FBXO25: variants seen among roughly 807,000 people sequenced by gnomAD.
FBXO25 encodes the protein F-box only protein 25.
FBXO25 carries 45 observed loss-of-function variants against 51.9 expected under a neutral mutation model. The ratio of observed to expected loss-of-function variants is 0.87; its 90% CI spans 0.68 to 1.11. FBXO25 has a LOEUF of 1.11. FBXO25 is among the 50% of genes most tolerant of loss of function. The pLI is 0.00. For synonymous variants in FBXO25, 199 were observed against 151.0 expected (o/e 1.32, Z -2.33); for missense variants, 507 against 428.5 (o/e 1.18, Z -1.62).
chr8:442,435 TAGAA>T (rs1487660910), intron 5 of FBXO25, among the ~76,000 whole-genome samples: 8 of 152,134 alleles, frequency 5.3e-5, no homozygotes, highest in East Asian at 1.9e-4. Context: ...ACTGCATAGT[TAGAA>T]AGAAGCAGAG....
At chr8:444,154 C>G (rs114532009) in intron 5 of FBXO25, among the ~76,000 whole-genome samples, 8,543 of 152,278 alleles carry the variant, frequency 0.056, 264 homozygotes, top group Middle Eastern at 0.082. Flanking sequence ...TCAGTAAATG[C>G]TTACAGTTCA....
Position 472,194 on chromosome 8 carries a change from C to G in FBXO25, c.*3390C>G, listed in dbSNP as rs886382199. On this transcript the variant is annotated 3_prime_UTR_variant, in exon 10 of 10. Transcript: ENST00000350302. ...CTCACCATTAACTATGATGTTAACC[C>G]TGGGTTTTCCATACATACCCTCTAT... 1.3e-5 allele frequency: 2 copies of G among 152,208 alleles called. No individual in the cohort carries two copies. The highest frequency in any genetic ancestry group is 4.8e-5 in the African/African-American group (2 of 41,444). The allele number at this position is 152,208 out of a possible 1,614,324, so 9.4% of individuals were successfully genotyped here. A position where few individuals can be genotyped will look rare whatever the true frequency, so the allele number is the denominator to read the frequency against.
chr8:468,325 C>T (rs991685590), intron 9 of FBXO25: 17 of 987,928 alleles, frequency 1.7e-5, no homozygotes, highest in Non-Finnish European at 2.1e-5. Flanking sequence ...ACAAAGTGAG[C>T]CAGGAACAGG....
chr8:435,531 T>C, intron 4 of FBXO25, 84 bp from the exon 5 acceptor site: 1 of 1,405,308 alleles, frequency 7.1e-7, no homozygotes, highest in Non-Finnish European at 9.6e-7. Flanking sequence ...GCCAAAAATT[T>C]TTTTAATCGC....
chr8:417,129 C>T (rs1273356259), intron 2 of FBXO25, among the ~76,000 whole-genome samples: 1 of 152,156 alleles, frequency 6.6e-6, no homozygotes, highest in Non-Finnish European at 1.5e-5. Context: ...TAAGGGGAGC[C>T]CGGAAGCGGG....
intron 7 of FBXO25, among the ~76,000 whole-genome samples, chr8:458,026 C>G (rs1799566910): frequency 6.6e-6 from 1 of 152,174 alleles, no homozygotes; most frequent in South Asian, 2.1e-4. Context: ...GCAGCAGCGC[C>G]ACATCCACAG....
rs369693664 is a variant in FBXO25 at position 434,033 on chromosome 8, A to T, written c.288+1098A>T. On this transcript the variant is annotated intron_variant, in intron 4 of 9. Transcript: ENST00000350302. ...GATTACAGAACAGAGGATCCCATCCAAGCTAGCATATGCAGGAAAGGAGGA... is the reference window on the plus strand; with the variant it reads ...GATTACAGAACAGAGGATCCCATCCTAGCTAGCATATGCAGGAAAGGAGGA... Among the ~76,000 whole-genome samples, 15 of 152,346 alleles carry T rather than the reference A, an allele frequency of 9.8e-5. No individual in the cohort carries two copies. In the South Asian group the frequency reaches 2.7e-3, roughly 27 times the overall value.
intron 2 of FBXO25, among the ~76,000 whole-genome samples, chr8:430,502 C>T (rs1172660002): frequency 6.6e-6 from 1 of 151,828 alleles, no homozygotes; most frequent in Non-Finnish European, 1.5e-5. Flanking sequence ...GTACAATTTT[C>T]TTGTCAAAGA....
chr8:429,577 A>G (rs538154090), intron 2 of FBXO25, among the ~76,000 whole-genome samples: 1 of 152,240 alleles, frequency 6.6e-6, no homozygotes, highest in Non-Finnish European at 1.5e-5. Flanking sequence ...AATGTGTCGA[A>G]TTTAAATTTC....
At chr8:426,314 A>C (rs1263820657) in intron 2 of FBXO25, among the ~76,000 whole-genome samples, 1 of 152,106 alleles carries the variant, frequency 6.6e-6, no homozygotes, top group East Asian at 1.9e-4. Flanking sequence ...TTAGATGTTA[A>C]ATCTGTGGCT....
chr8:455,656 G>A (rs1362145720), intron 7 of FBXO25, among the ~76,000 whole-genome samples: 1 of 152,202 alleles, frequency 6.6e-6, no homozygotes, highest in Non-Finnish European at 1.5e-5. Context: ...AGAGAAGTGG[G>A]AATCATTGAC....
intron 2 of FBXO25, among the ~76,000 whole-genome samples, chr8:419,364 C>G (rs777349614): frequency 2.0e-5 from 3 of 152,000 alleles, no homozygotes; most frequent in Non-Finnish European, 4.4e-5. Flanking sequence ...AGCAAAACTC[C>G]ATCTCAAAAA....
chr8:472,232 G>A lies in FBXO25; in HGVS notation c.*3428G>A, dbSNP rs1346228626. 1 of 152,212 alleles carries A rather than the reference G, an allele frequency of 6.6e-6. No homozygotes were observed. Among genetic ancestry groups the A allele is most frequent in the Non-Finnish European group, 1.5e-5 (1 of 68,032 alleles). The allele number at this position is 152,212 out of a possible 1,614,324, so 9.4% of individuals were successfully genotyped here. On this transcript the variant is annotated 3_prime_UTR_variant, in exon 10 of 10. Coordinates refer to ENST00000350302, the MANE Select transcript of FBXO25 (RefSeq NM_183420.2). ...ACATACCCTCTATTAGGTTGGGGAG[G>A]TTCCCTTCTATTCCTAGTTTGTTTT...
rs1050569694 is a variant in FBXO25 at position 474,175 on chromosome 8, G to T, written c.*5371G>T. 1.3e-5 allele frequency: 2 copies of T among 158,688 alleles called. No individual in the cohort carries two copies. The highest frequency in any genetic ancestry group is 2.7e-5 in the Non-Finnish European group (2 of 73,262). The allele number at this position is 158,688 out of a possible 1,614,324, so 9.8% of individuals were successfully genotyped here. The stretch of plus-strand genomic sequence containing the variant: ...CTTTGTCTCTTTTAATTTGACTTCT[G>T]TAGGGACCTCGTATGAGTGGAACCA... On this transcript the variant is annotated 3_prime_UTR_variant, in exon 10 of 10. Transcript: ENST00000350302.
chr8:407,505 C>T lies in FBXO25; in HGVS notation c.-8+439C>T, dbSNP rs866892463. 6,871 of 918,412 alleles carry T rather than the reference C, an allele frequency of 7.5e-3. 93 individuals are homozygous for T. Among genetic ancestry groups the T allele is most frequent in the African/African-American group, 0.053 (2,910 of 55,022 alleles). 56.9% of individuals were successfully genotyped at this position (918,412 alleles called of 1,614,324 possible). ...GGCACGGGGGCCGCCCACAGGTGCACCGCGCGTCCTCAGCCGCTTCCCCTG... is the reference window on the plus strand; with the variant it reads ...GGCACGGGGGCCGCCCACAGGTGCATCGCGCGTCCTCAGCCGCTTCCCCTG... On this transcript the variant is annotated intron_variant, in intron 1 of 9. Coordinates refer to ENST00000350302, the MANE Select transcript of FBXO25 (RefSeq NM_183420.2).
chr8:456,858 AG>A (rs1202121966), intron 7 of FBXO25, among the ~76,000 whole-genome samples: 1 of 152,158 alleles, frequency 6.6e-6, no homozygotes, highest in Non-Finnish European at 1.5e-5. Context: ...GTGCTTCCAT[AG>A]CGAGGACATT....
rs138418645 is a variant in FBXO25 at position 415,714 on chromosome 8, A to G, written c.134+2501A>G. Among the ~76,000 whole-genome samples the G allele has an allele frequency of 9.4e-3, 1,429 of 152,290 alleles. 19 individuals are homozygous for G. Among genetic ancestry groups the G allele is most frequent in the African/African-American group, 0.032 (1,335 of 41,562 alleles). On this transcript the variant is annotated intron_variant, in intron 2 of 9. Coordinates refer to ENST00000350302, the MANE Select transcript of FBXO25 (RefSeq NM_183420.2). ...GGACTCTGAGGGTTCAGCTGGGGAAATGGTGTAAGTAAATAATCTGGCTGG... is the reference window on the plus strand; with the variant it reads ...GGACTCTGAGGGTTCAGCTGGGGAAGTGGTGTAAGTAAATAATCTGGCTGG...
At chr8:438,961 T>C (rs1325196402) in intron 5 of FBXO25, among the ~76,000 whole-genome samples, 1 of 152,196 alleles carries the variant, frequency 6.6e-6, no homozygotes, top group Non-Finnish European at 1.5e-5. Context: ...GTTTGTTCAC[T>C]GCTGTTCACC....
At position 467,494 on chromosome 8, in the gene FBXO25, C is replaced by G. The variant is rs549425047; in HGVS notation, c.988-1221C>G. On this transcript the variant is annotated intron_variant, in intron 9 of 9. Transcript: ENST00000350302. The stretch of plus-strand genomic sequence containing the variant: ...TAGAGATATGTTGTCTTAAGACTGT[C>G]TTCAAGTAGTTTGGGAATTTTTGGG... Among the ~76,000 whole-genome samples, 14 of 152,310 alleles carry G rather than the reference C, an allele frequency of 9.2e-5. No individual in the cohort carries two copies. In the South Asian group the frequency reaches 2.9e-3, roughly 32 times the overall value.
Sources: gnomAD v4.1 joint callset for allele counts (sites outside exome capture counted in the v4.1 genomes callset) on GRCh38, gnomAD v4.1.1 for gene constraint, MANE v1.5 for transcripts, NCBI Gene and HGNC (gene_info 2026-07-23, HGNC 2026-07-21) for gene names.